The following ATM variants were observed in gnomAD, a reference collection of about 807,000 sequenced individuals.
ATM encodes the protein serine-protein kinase ATM.
In ATM, 308 loss-of-function variants were observed where a neutral mutation model predicts 387.0. That is an observed-to-expected ratio of 0.80 (90% confidence interval 0.73 to 0.87). ATM has a LOEUF of 0.87. Ranked by LOEUF, ATM falls within the 40% of genes least tolerant of loss-of-function variation. ATM has a pLI of 0.00. For synonymous variants in ATM, 1,156 were observed against 1,187.3 expected, an observed-to-expected ratio of 0.97 and a Z score of 0.54; for missense variants, 3,312 against 3,560.9, an observed-to-expected ratio of 0.93 and a Z score of 1.78.
chr11:108,299,200 G>GA (rs984327759), intron 33 of ATM, among the ~76,000 whole-genome samples: 28 of 151,796 alleles, frequency 1.8e-4, no homozygotes, highest in Non-Finnish European at 1.0e-4. Context: ...AACACAGGCA[G>GA]AAAAAAATGT....
Position 108,227,792 on chromosome 11 carries a change from T to C in ATM, c.89T>C (p.Phe30Ser). 1 of 1,613,772 alleles carries C rather than the reference T, an allele frequency of 6.2e-7. No individual in the cohort carries two copies. Among genetic ancestry groups the C allele is most frequent in the Non-Finnish European group, 8.5e-7 (1 of 1,179,826 alleles). The change falls in exon 3 of 63, where the codon TTT becomes TCT. Residue 30 changes from phenylalanine to serine, a missense_variant. By Grantham distance (155) the Phe-to-Ser change is radical. Transcript: ENST00000675843. ...ATERKKEVEK[F>S]KRLIRDPETI... ...TATTTTCAGAAAGAAGTTGAGAAAT[T>C]TAAGCGCCTGATTCGAGATCCTGAA... is the stretch of plus-strand genomic sequence containing the variant.
chr11:108,243,850 C>T (rs760613575), intron 5 of ATM, 103 bp from the exon 6 acceptor site: 18 of 1,113,114 alleles, frequency 1.6e-5, no homozygotes, highest in Non-Finnish European at 2.3e-5. Flanking sequence ...GTTTTAAAAT[C>T]CTTTTTCTGT....
At chr11:108,257,080 G>A (rs530529970) in intron 14 of ATM, among the ~76,000 whole-genome samples, 58 of 152,138 alleles carry the variant, frequency 3.8e-4, no homozygotes, top group Non-Finnish European at 6.3e-4. Flanking sequence ...CTAGATCCTT[G>A]AGGAATTGCC....
intron 43 of ATM, among the ~76,000 whole-genome samples, chr11:108,319,513 A>G (rs1049095423): frequency 1.3e-5 from 2 of 152,170 alleles, no homozygotes; most frequent in East Asian, 1.9e-4. Flanking sequence ...TACCCATTCT[A>G]TAATAGCCAT....
In ATM at chr11:108,247,069, T is replaced by G. The variant is rs1018587967; in HGVS notation, c.1007T>G (p.Phe336Cys). The G allele has an allele frequency of 6.2e-7, 1 of 1,613,970 alleles. No homozygotes were observed. The highest frequency in any genetic ancestry group is 1.1e-5 in the South Asian group (1 of 91,072). The change falls in exon 8 of 63, where the codon TTT (phenylalanine) becomes TGT (cysteine). Residue 336 changes from phenylalanine (F) to cysteine (C), a missense_variant. Phe to Cys is a radical substitution (Grantham distance 205). Around this residue, in one of 4 missense-constraint regions of ATM, gnomAD observed 1,791 missense variants for 1,804.5 expected, o/e 0.99. Coordinates refer to ENST00000675843, the MANE Select transcript of ATM (RefSeq NM_000051.4). ...AGTAGAGGAAAGTATTCTTCAGGAT[T>G]TCGTAATATTGCCGTCAAAGAAAAT... ...IGSRGKYSSG[F>C]RNIAVKENLI...
At position 108,267,179 on chromosome 11, in the gene ATM, C is replaced by T. The variant is rs776907383; in HGVS notation, c.2475C>T (p.Phe825=). 3.7e-6 allele frequency: 6 copies of T among 1,613,840 alleles called. No individual in the cohort carries two copies. The highest frequency in any genetic ancestry group is 2.2e-5 in the East Asian group (1 of 44,876). The change falls in exon 17 of 63, where the codon TTC becomes TTT. Residue 825 remains phenylalanine (F), a synonymous_variant. Coordinates refer to ENST00000675843, the MANE Select transcript of ATM (RefSeq NM_000051.4). ...GTTTCTCTTCCTTGAAGGCATCCTT[C>T]ATCAAAAAGCCATTTGACCGTGGAG... ...IADICKSLAS[F]IKKPFDRGEV...
In ATM at chr11:108,366,179, CATTCT is replaced by C. The variant is rs537960895; in HGVS notation, c.*677_*681del. On this transcript the variant is annotated 3_prime_UTR_variant, in exon 63 of 63. Transcript: ENST00000675843. The stretch of plus-strand genomic sequence containing the variant: ...TTTTTAAGTGTGTATTAAAACTTCT[CATTCT>C]ATTCTCTTTATCTTTTAAGCCCTTC... 14 of 194,672 alleles carry C rather than the reference CATTCT, an allele frequency of 7.2e-5. No individual in the cohort carries two copies. Among genetic ancestry groups the C allele is most frequent in the Non-Finnish European group, 1.3e-4 (12 of 93,656 alleles). 12.1% of individuals were successfully genotyped at this position (194,672 alleles called of 1,614,324 possible).
In ATM at chr11:108,302,849, C is replaced by G. The variant is rs1316146972; in HGVS notation, c.5320-4C>G. 3 of 1,607,916 alleles carry G rather than the reference C, an allele frequency of 1.9e-6. No individual in the cohort carries two copies. The Admixed American group carries it at 5.0e-5, about 27-fold the overall frequency. ...TTTACATTTTCTAATCCCTTTCTTT[C>G]TAGTTTTTAGAAGTACCCAGATTTG... On this transcript the variant is annotated splice_polypyrimidine_tract_variant and splice_region_variant and intron_variant, in intron 35 of 62. Coordinates refer to ENST00000675843, the MANE Select transcript of ATM (RefSeq NM_000051.4).
In ATM at chr11:108,317,618, TATATATATA is replaced by T; in HGVS notation, c.6347+98_6347+106del. 2.2e-4 allele frequency: 6 copies of T among 26,752 alleles called. No individual in the cohort carries two copies. In the South Asian group the frequency reaches 7.5e-3, roughly 33 times the overall value. 1.7% of individuals were successfully genotyped at this position (26,752 alleles called of 1,614,324 possible). A position where few individuals can be genotyped will look rare whatever the true frequency, so the allele number is the denominator to read the frequency against. On this transcript the variant is annotated intron_variant, in intron 43 of 62. Transcript: ENST00000675843. The stretch of plus-strand genomic sequence containing the variant: ...TATGAATATAACAGGAGTTGTTTTA[TATATATATA>T]TATATATATATATATATATATATAT...
At chr11:108,300,878 C>CTTTTTTTT (rs11305754) in intron 34 of ATM, among the ~76,000 whole-genome samples, 1 of 102,676 alleles carries the variant, frequency 9.7e-6, no homozygotes, top group Non-Finnish European at 2.0e-5. Flanking sequence ...TCATCTCTCT[C>CTTTTTTTT]TTTTTTTTTT....
chr11:108,301,166 T>C (rs2083411053), intron 34 of ATM, among the ~76,000 whole-genome samples: 1 of 152,194 alleles, frequency 6.6e-6, no homozygotes. Flanking sequence ...ATTCATTTCA[T>C]AGTAATTCGA....
intron 22 of ATM, among the ~76,000 whole-genome samples, chr11:108,277,255 C>G (rs1387218038): frequency 6.6e-6 from 1 of 152,166 alleles, no homozygotes; most frequent in Non-Finnish European, 1.5e-5. Flanking sequence ...TCAGACTGTT[C>G]TGCTGGCAGC....
intron 27 of ATM, among the ~76,000 whole-genome samples, chr11:108,287,952 T>G (rs1394699620): frequency 1.3e-5 from 2 of 152,220 alleles, no homozygotes; most frequent in African/African-American, 2.4e-5. Flanking sequence ...AATAACCTTT[T>G]CTTAGTCTTT....
In ATM at chr11:108,287,652, TGAC is replaced by T. The variant is rs2082561775; in HGVS notation, c.4048_4050del (p.Thr1350del). The T allele has an allele frequency of 6.2e-7, 1 of 1,613,876 alleles. No individual in the cohort carries two copies. On this transcript the variant is annotated inframe_deletion, in exon 27 of 63. Transcript: ENST00000675843. Reference sequence around the variant, plus strand: ...CCAGAGATTGTGGTGGAGTTATTGATGACGTTACATGAGCCAGCAAATTCTAGT... The same window carrying T: ...CCAGAGATTGTGGTGGAGTTATTGATGTTACATGAGCCAGCAAATTCTAGT...
At chr11:108,284,795 TA>T (rs2135713507) in intron 26 of ATM, among the ~76,000 whole-genome samples, 1 of 152,352 alleles carries the variant, frequency 6.6e-6, no homozygotes, top group Admixed American at 6.5e-5. Flanking sequence ...CAAGGAATAC[TA>T]AACAGTGTAC....
intron 61 of ATM, chr11:108,355,141 C>T (rs556524660): frequency 8.6e-6 from 4 of 463,740 alleles, no homozygotes; most frequent in East Asian, 7.7e-5. Flanking sequence ...AATTCTTTGA[C>T]ATTTAGATAT....
chr11:108,309,222 T>C (rs1429712198), intron 38 of ATM, among the ~76,000 whole-genome samples: 1 of 152,214 alleles, frequency 6.6e-6, no homozygotes. Context: ...AAAAAATTGC[T>C]TGCTGTCTTT....
intron 61 of ATM, among the ~76,000 whole-genome samples, chr11:108,361,429 C>T (rs2090738885): frequency 6.6e-6 from 1 of 151,862 alleles, no homozygotes. Flanking sequence ...ACTTTCTTTA[C>T]AGAATTGGAA....
rs1453304467 is a variant in ATM at position 108,360,695 on chromosome 11, C to A, written c.8851-4387C>A. 9.6e-4 allele frequency among the ~76,000 whole-genome samples: 140 copies of A among 145,584 alleles called. 1 individual carries two copies. The highest frequency in any genetic ancestry group is 1.6e-3 in the South Asian group (7 of 4,404). On this transcript the variant is annotated intron_variant, in intron 61 of 62. Coordinates refer to ENST00000675843, the MANE Select transcript of ATM (RefSeq NM_000051.4). ...ATATAAACAGAACCAAAGACAAAAA[C>A]CACATGATTATCTCAATAGATGCAG...
Sources: allele counts gnomAD v4.1 joint callset (sites outside exome capture counted in the v4.1 genomes callset), GRCh38; gene constraint gnomAD v4.1.1; regional missense constraint gnomAD v4.1.1; transcripts MANE v1.5; gene names NCBI Gene and HGNC (gene_info 2026-07-23, HGNC 2026-07-21).